ABCB7: variants seen among roughly 807,000 people sequenced by gnomAD.
ABCB7 encodes iron-sulfur clusters transporter ABCB7, mitochondrial.
In ABCB7, 7 loss-of-function variants were observed where a neutral mutation model predicts 54.4. The ratio of observed to expected loss-of-function variants is 0.13; its 90% CI spans 0.07 to 0.24. The LOEUF is 0.24. Ranked by LOEUF, ABCB7 falls within the 10% of genes least tolerant of loss-of-function variation. The pLI, the probability that ABCB7 is intolerant of heterozygous loss-of-function variation, is 1.00. For synonymous variants in ABCB7, 218 were observed against 207.1 expected, an observed-to-expected ratio of 1.05 and a Z score of -0.45; for missense variants, 356 against 570.4, an observed-to-expected ratio of 0.62 and a Z score of 3.83.
In ABCB7 at chrX:75,088,447, CAGAG is replaced by C. The variant is rs1211792465; in HGVS notation, c.453+10491_453+10494del. Among the ~76,000 whole-genome samples, 5 of 111,755 alleles carry C rather than the reference CAGAG, an allele frequency of 4.5e-5. No individual in the cohort carries two copies. The South Asian group carries it at 1.1e-3, about 24-fold the overall frequency. ...TGCAAGAAAAGATGGGTAATATAAACAGAGAGGAATCTCTAAGAAAGAATCAAAA... is the reference window on the plus strand; with the variant it reads ...TGCAAGAAAAGATGGGTAATATAAACAGGAATCTCTAAGAAAGAATCAAAA... On this transcript the variant is annotated intron_variant, in intron 4 of 15. Coordinates refer to ENST00000373394, the MANE Select transcript of ABCB7 (RefSeq NM_001271696.3).
At chrX:75,093,343 A>C (rs186429340) in intron 4 of ABCB7, among the ~76,000 whole-genome samples, 1,265 of 111,713 alleles carry the variant, frequency 0.011, 15 homozygotes, top group African/African-American at 0.039. Flanking sequence ...ATATGGTTCC[A>C]ACTATATGAC....
chrX:75,156,158 G>T lies in ABCB7; in HGVS notation c.115C>A (p.Pro39Thr), dbSNP rs1307657457. ...CCGAGTTGATGTGGCCTCCACTGCG[G>T]ACCTGAGCCGCTAACAGAGACTAAA... is the stretch of plus-strand genomic sequence containing the variant. Reference protein sequence around the residue: ...RPLVSVSGSGPQWRPHQLGAL... With the variant: ...RPLVSVSGSGTQWRPHQLGAL... The change falls in exon 1 of 16, where the codon CCG (proline) becomes ACG (threonine). Residue 39 changes from proline to threonine, a missense_variant. Transcript: ENST00000373394. The T allele has an allele frequency of 1.7e-6, 2 of 1,208,124 alleles. No individual in the cohort carries two copies. The highest frequency in any genetic ancestry group is 3.0e-5 in the East Asian group (1 of 33,714).
chrX:75,078,016 C>T (rs979288010), intron 4 of ABCB7, among the ~76,000 whole-genome samples: 2 of 107,426 alleles, frequency 1.9e-5, no homozygotes, highest in Non-Finnish European at 3.8e-5. Context: ...TGGGTTCAAG[C>T]GATTCTTCTG....
chrX:75,121,282 C>G (rs1183457191), intron 1 of ABCB7, among the ~76,000 whole-genome samples: 1 of 94,640 alleles, frequency 1.1e-5, no homozygotes, highest in Non-Finnish European at 2.1e-5. Flanking sequence ...GAGCGAGACT[C>G]TGTCTCAAAA....
chrX:75,114,950 AT>A, intron 1 of ABCB7, 119 bp from the exon 2 acceptor site: 2 of 621,227 alleles, frequency 3.2e-6, no homozygotes, highest in Non-Finnish European at 4.8e-6. Flanking sequence ...TGGAGAGATG[AT>A]TATGCTTTTA....
intron 1 of ABCB7, among the ~76,000 whole-genome samples, chrX:75,148,838 AC>A (rs2082111356): frequency 9.0e-6 from 1 of 111,615 alleles, no homozygotes; most frequent in Admixed American, 9.6e-5. Flanking sequence ...TGTATAAGCC[AC>A]CCAATCTGTG....
intron 3 of ABCB7, among the ~76,000 whole-genome samples, chrX:75,102,059 T>C (rs2081644892): frequency 9.0e-6 from 1 of 111,460 alleles, no homozygotes; most frequent in African/African-American, 3.2e-5. Context: ...ACAGTTTTTA[T>C]TGATTCATAA....
intron 1 of ABCB7, among the ~76,000 whole-genome samples, chrX:75,116,191 G>A (rs2081817383): frequency 9.0e-6 from 1 of 110,996 alleles, no homozygotes; most frequent in Non-Finnish European, 1.9e-5. Flanking sequence ...TCATCTACAT[G>A]AGAAGAACCT....
At chrX:75,084,251 TG>T (rs1236251136) in intron 4 of ABCB7, among the ~76,000 whole-genome samples, 2 of 111,746 alleles carry the variant, frequency 1.8e-5, no homozygotes, top group African/African-American at 6.5e-5. Context: ...CCTCCAGAAA[TG>T]TAAGATAATA....
chrX:75,099,079 A>T lies in ABCB7; in HGVS notation c.334-18T>A. ...TCTTTTAACTATTGAAAGAGAGAAAACAAAGCAGTGAATAACATGTCATTT... is the reference window on the plus strand; with the variant it reads ...TCTTTTAACTATTGAAAGAGAGAAATCAAAGCAGTGAATAACATGTCATTT... On this transcript the variant is annotated intron_variant, in intron 3 of 15. Coordinates refer to ENST00000373394, the MANE Select transcript of ABCB7 (RefSeq NM_001271696.3). 8.3e-7 allele frequency: 1 copy of T among 1,201,889 alleles called. No individual in the cohort carries two copies. Among genetic ancestry groups the T allele is most frequent in the Non-Finnish European group, 1.1e-6 (1 of 887,557 alleles).
chrX:75,122,737 T>C lies in ABCB7; in HGVS notation c.169-7906A>G, dbSNP rs748227952. On this transcript the variant is annotated intron_variant, in intron 1 of 15. Coordinates refer to ENST00000373394, the MANE Select transcript of ABCB7 (RefSeq NM_001271696.3). Reference sequence around the variant, plus strand: ...CTAACAGATATGAAGTGATATTTCATTGTGATTTTGATTTGCATTTCCCTG... The same window carrying C: ...CTAACAGATATGAAGTGATATTTCACTGTGATTTTGATTTGCATTTCCCTG... Among the ~76,000 whole-genome samples the C allele has an allele frequency of 1.3e-4, 14 of 111,821 alleles. No homozygotes were observed. In the South Asian group the frequency reaches 5.3e-3, roughly 42 times the overall value.
intron 3 of ABCB7, among the ~76,000 whole-genome samples, chrX:75,110,918 A>G (rs1259597056): frequency 8.9e-6 from 1 of 112,052 alleles, no homozygotes; most frequent in Admixed American, 9.5e-5. Flanking sequence ...CAGCATTATT[A>G]ATACTGATTG....
At chrX:75,114,956 CT>C in intron 1 of ABCB7, 125 bp from the exon 2 acceptor site, 1 of 578,498 alleles carries the variant, frequency 1.7e-6, no homozygotes, top group Admixed American at 3.1e-5. Flanking sequence ...GATGATTATG[CT>C]TTTAACGTAT....
rs779050003 is a variant in ABCB7, at chrX:75,057,800, G to A, written c.2043+2423C>T. Among the ~76,000 whole-genome samples, 40 of 109,753 alleles carry A rather than the reference G, an allele frequency of 3.6e-4. 1 individual carries two copies. The highest frequency in any genetic ancestry group is 1.4e-3 in the Admixed American group (14 of 10,226). ...TCCTGGGGCTGCTTTTGTTTCTCCA[G>A]AGAAGAATCCTCCTATTATTTGCTG... On this transcript the variant is annotated intron_variant, in intron 15 of 15. Transcript: ENST00000373394.
chrX:75,074,504 T>C (rs2081390456), intron 6 of ABCB7, among the ~76,000 whole-genome samples: 1 of 111,878 alleles, frequency 8.9e-6, no homozygotes, highest in African/African-American at 3.2e-5. Context: ...ACTGGGTGTA[T>C]ATATATTCAA....
chrX:75,109,316 A>G (rs1190318076), intron 3 of ABCB7, among the ~76,000 whole-genome samples: 1 of 112,013 alleles, frequency 8.9e-6, no homozygotes, highest in African/African-American at 3.2e-5. Context: ...GATATTAAAG[A>G]TAACTGTATA....
At chrX:75,059,833 T>C (rs758512577) in intron 15 of ABCB7, among the ~76,000 whole-genome samples, 1 of 111,761 alleles carries the variant, frequency 8.9e-6, no homozygotes, top group African/African-American at 3.3e-5. Flanking sequence ...ATGGTAATTT[T>C]CTTTTAACCA....
chrX:75,086,727 C>A (rs1375276554), intron 4 of ABCB7, among the ~76,000 whole-genome samples: 2 of 111,701 alleles, frequency 1.8e-5, no homozygotes, highest in Non-Finnish European at 3.8e-5. Context: ...GAAAACCAGA[C>A]AAGGTAAGGT....
rs952833860 is a variant in ABCB7, at chrX:75,078,606, G to A, written c.454-1952C>T. 4.5e-5 allele frequency among the ~76,000 whole-genome samples: 5 copies of A among 111,450 alleles called. No individual in the cohort carries two copies. In the East Asian group the frequency reaches 1.4e-3, roughly 32 times the overall value. On this transcript the variant is annotated intron_variant, in intron 4 of 15. Transcript: ENST00000373394. ...AAAGGTAGGTACCTTTCACAAATGT[G>A]AGGGATGAAAGGAATAAAAATTTTA... is the stretch of plus-strand genomic sequence containing the variant.
Sources: gnomAD v4.1 joint callset for allele counts (sites outside exome capture counted in the v4.1 genomes callset) on GRCh38, gnomAD v4.1.1 for gene constraint, MANE v1.5 for transcripts, NCBI Gene and HGNC (gene_info 2026-07-23, HGNC 2026-07-21) for gene names.